TRHDE: variants seen among roughly 807,000 people sequenced by gnomAD.
TRHDE encodes thyrotropin releasing hormone degrading enzyme.
Under a neutral mutation model 125.7 loss-of-function variants are expected in TRHDE, and 72 were observed. That is an observed-to-expected ratio of 0.57 (90% CI 0.47 to 0.70). TRHDE has a LOEUF of 0.70. Ranked by LOEUF, TRHDE falls within the 30% of genes least tolerant of loss-of-function variation. TRHDE has a pLI of 0.00. For missense variants in TRHDE, 1,110 were observed against 1,327.1 expected (o/e 0.84, Z 2.54); for synonymous variants, 509 against 509.1 (o/e 1.00, Z 0.00).
At chr12:72,217,205 T>A (rs1877911589) in intron 2 of TRHDE, among the ~76,000 whole-genome samples, 1 of 152,196 alleles carries the variant, frequency 6.6e-6, no homozygotes. Flanking sequence ...TACTCTTTCC[T>A]GCTCAGGAAA....
At chr12:72,165,777 C>A (rs1216641686) in intron 2 of TRHDE, among the ~76,000 whole-genome samples, 4 of 151,894 alleles carry the variant, frequency 2.6e-5, no homozygotes, top group African/African-American at 9.7e-5. Context: ...TGGGTTCACA[C>A]CATTCTCCTG....
At chr12:72,473,027 A>G in intron 4 of TRHDE, 40 bp from the exon 5 acceptor site, 3 of 1,449,664 alleles carry the variant, frequency 2.1e-6, no homozygotes, top group Non-Finnish European at 2.9e-6. Context: ...TTGGGGATAG[A>G]TTTTATTTTA....
At chr12:72,354,598 AC>A (rs1870728559) in intron 2 of TRHDE, among the ~76,000 whole-genome samples, 1 of 151,050 alleles carries the variant, frequency 6.6e-6, no homozygotes, top group Non-Finnish European at 1.5e-5. Flanking sequence ...TTCAAACAAA[AC>A]TAGTGCCTGA....
At chr12:72,510,575 C>G (rs915036714) in intron 6 of TRHDE, among the ~76,000 whole-genome samples, 26 of 152,112 alleles carry the variant, frequency 1.7e-4, no homozygotes, top group African/African-American at 6.3e-4. Context: ...GTTTCTAACT[C>G]ATGCTTTTCA....
intron 2 of TRHDE, chr12:72,262,588 A>G (rs1878975407): frequency 6.6e-6 from 1 of 152,200 alleles, no homozygotes; most frequent in Admixed American, 6.5e-5. Flanking sequence ...ATATAGAAAC[A>G]TGAACATTCG....
intron 3 of TRHDE, among the ~76,000 whole-genome samples, chr12:72,390,256 T>G (rs1872569905): frequency 6.6e-6 from 1 of 152,212 alleles, no homozygotes. Flanking sequence ...GTATTTAGAC[T>G]AAAATAATGA....
intron 3 of TRHDE, among the ~76,000 whole-genome samples, chr12:72,460,409 C>T (rs1483553311): frequency 1.3e-5 from 2 of 152,066 alleles, no homozygotes; most frequent in Non-Finnish European, 2.9e-5. Flanking sequence ...TTGTAATTGC[C>T]ATCATGTGTG....
intron 2 of TRHDE, among the ~76,000 whole-genome samples, chr12:72,249,319 T>C (rs1244900811): frequency 1.3e-5 from 2 of 152,158 alleles, no homozygotes; most frequent in African/African-American, 4.8e-5. Flanking sequence ...TTATCCATAA[T>C]ATATAAACTC....
At chr12:72,106,314 T>G (rs908922217) in intron 2 of TRHDE, among the ~76,000 whole-genome samples, 15 of 152,208 alleles carry the variant, frequency 9.9e-5, no homozygotes, top group Admixed American at 3.9e-4. Context: ...AAATCTAAGA[T>G]TTTATTCAAT....
At chr12:72,131,294 C>G (rs917330537) in intron 2 of TRHDE, among the ~76,000 whole-genome samples, 1 of 151,612 alleles carries the variant, frequency 6.6e-6, no homozygotes, top group African/African-American at 2.4e-5. Flanking sequence ...GGATGGTCTC[C>G]ATCTCCTGAC....
chr12:72,299,058 T>C (rs1329790190), intron 2 of TRHDE, among the ~76,000 whole-genome samples: 1 of 152,164 alleles, frequency 6.6e-6, no homozygotes, highest in Non-Finnish European at 1.5e-5. Flanking sequence ...AATTATATTC[T>C]AAAGGTTGAT....
chr12:72,495,064 T>TTTTTTTG (rs1877850712), intron 5 of TRHDE, among the ~76,000 whole-genome samples: 1 of 135,908 alleles, frequency 7.4e-6, no homozygotes, highest in Non-Finnish European at 1.6e-5. Context: ...TCCCCCGTTT[T>TTTTTTTG]TTTTTTTTTT....
At chr12:72,529,053 C>G (rs1868409428) in intron 6 of TRHDE, among the ~76,000 whole-genome samples, 1 of 151,502 alleles carries the variant, frequency 6.6e-6, no homozygotes, top group African/African-American at 2.4e-5. Flanking sequence ...TTCATTTTTC[C>G]TCTGTCAGAT....
intron 2 of TRHDE, among the ~76,000 whole-genome samples, chr12:72,345,482 A>G (rs1870286820): frequency 6.6e-6 from 1 of 152,146 alleles, no homozygotes; most frequent in African/African-American, 2.4e-5. Context: ...ATAGTTAGAA[A>G]CTGATGAGTT....
At chr12:72,661,555 T>TA (rs1374896361) in intron 18 of TRHDE, among the ~76,000 whole-genome samples, 1 of 152,190 alleles carries the variant, frequency 6.6e-6, no homozygotes. Flanking sequence ...CTTAAGGATA[T>TA]AGACTGGATG....
At chr12:72,625,620 T>C (rs1372984251) in intron 15 of TRHDE, among the ~76,000 whole-genome samples, 3 of 151,948 alleles carry the variant, frequency 2.0e-5, no homozygotes, top group Admixed American at 6.6e-5. Context: ...CTTTACTATA[T>C]TGAGCATTTA....
intron 2 of TRHDE, among the ~76,000 whole-genome samples, chr12:72,173,787 G>A (rs552588588): frequency 3.5e-4 from 53 of 151,160 alleles, no homozygotes; most frequent in African/African-American, 1.1e-3. Flanking sequence ...CTCTGCGCGC[G>A]CACACACACA....
At chr12:72,384,943 T>G (rs953526632) in intron 3 of TRHDE, among the ~76,000 whole-genome samples, 1 of 152,090 alleles carries the variant, frequency 6.6e-6, no homozygotes, top group African/African-American at 2.4e-5. Context: ...GTTTTTGTCT[T>G]TAGTGAATAT....
At chr12:72,375,374 T>C (rs1238411320) in intron 2 of TRHDE, among the ~76,000 whole-genome samples, 1 of 152,190 alleles carries the variant, frequency 6.6e-6, no homozygotes, top group Non-Finnish European at 1.5e-5. Context: ...GCTGAACATG[T>C]ATATGTTTTA....
Sources: gnomAD v4.1 joint callset for allele counts (sites outside exome capture counted in the v4.1 genomes callset) on GRCh38, gnomAD v4.1.1 for gene constraint, MANE v1.5 for transcripts, NCBI Gene and HGNC (gene_info 2026-07-23, HGNC 2026-07-21) for gene names.